The following ARHGAP18 variants were observed in gnomAD, a reference collection of about 807,000 sequenced individuals.
The protein encoded by ARHGAP18 is Rho GTPase activating protein 18.
ARHGAP18 carries 67 observed loss-of-function variants against 86.2 expected under a neutral mutation model. The ratio of observed to expected loss-of-function variants is 0.78; its 90% CI spans 0.64 to 0.95. The LOEUF (loss-of-function observed/expected upper bound fraction) is 0.95. Among genes scored for constraint, ARHGAP18 ranks in the 40% least tolerant of loss-of-function variants. The pLI, the probability that ARHGAP18 is intolerant of heterozygous loss-of-function variation, is 0.00. For synonymous variants in ARHGAP18, 283 were observed against 280.4 expected (o/e 1.01, Z -0.09); for missense variants, 691 against 780.4 (o/e 0.89, Z 1.37).
intron 1 of ARHGAP18, among the ~76,000 whole-genome samples, chr6:129,698,779 G>A (rs941833131): frequency 2.8e-5 from 4 of 143,818 alleles, no homozygotes; most frequent in Non-Finnish European, 6.0e-5. Context: ...TGCAACCTCC[G>A]CCTAATGGGT....
At chr6:129,685,886 C>T (rs1354393392) in intron 1 of ARHGAP18, among the ~76,000 whole-genome samples, 1 of 152,084 alleles carries the variant, frequency 6.6e-6, no homozygotes, top group Non-Finnish European at 1.5e-5. Flanking sequence ...CTCTAGGAAA[C>T]GAAGAAGTCT....
chr6:129,689,820 CA>C (rs1342764754), intron 1 of ARHGAP18, among the ~76,000 whole-genome samples: 18 of 152,272 alleles, frequency 1.2e-4, no homozygotes, highest in Non-Finnish European at 1.5e-5. Flanking sequence ...TTGCTTTTCA[CA>C]GAAACCTGGA....
intron 5 of ARHGAP18, among the ~76,000 whole-genome samples, chr6:129,623,082 T>A (rs9483048): frequency 0.56 from 84,238 of 150,524 alleles, 24,681 homozygotes; most frequent in African/African-American, 0.72. Flanking sequence ...ATTGATTCCC[T>A]TGTGTTACCA....
intron 9 of ARHGAP18, among the ~76,000 whole-genome samples, chr6:129,606,267 C>A (rs1788851936): frequency 6.6e-6 from 1 of 152,140 alleles, no homozygotes; most frequent in African/African-American, 2.4e-5. Context: ...ATAATTATTC[C>A]CCAATGAAAA....
intron 1 of ARHGAP18, among the ~76,000 whole-genome samples, chr6:129,649,274 G>A (rs1322331610): frequency 4.0e-5 from 6 of 151,874 alleles, no homozygotes; most frequent in Non-Finnish European, 7.4e-5. Context: ...TAAAAGTCGC[G>A]GCCAGGTGCG....
intron 1 of ARHGAP18, among the ~76,000 whole-genome samples, chr6:129,705,935 C>A (rs1455948192): frequency 6.6e-6 from 1 of 152,160 alleles, no homozygotes; most frequent in Admixed American, 6.5e-5. Flanking sequence ...GGGTTTATGT[C>A]ACCCCTGTGT....
chr6:129,649,427 G>C (rs146609928), intron 1 of ARHGAP18, among the ~76,000 whole-genome samples: 1 of 151,794 alleles, frequency 6.6e-6, no homozygotes. Flanking sequence ...AGTGGCGCAC[G>C]CCTGTAGTCC....
intron 12 of ARHGAP18, among the ~76,000 whole-genome samples, chr6:129,595,051 A>G (rs1788587871): frequency 6.6e-6 from 1 of 152,180 alleles, no homozygotes; most frequent in Admixed American, 6.6e-5. Context: ...AGATAACCTT[A>G]GTAACTTTAA....
intron 1 of ARHGAP18, among the ~76,000 whole-genome samples, chr6:129,695,917 T>G (rs952699127): frequency 1.3e-5 from 2 of 152,166 alleles, no homozygotes; most frequent in Admixed American, 6.5e-5. Context: ...ATCCTCTCCC[T>G]TTCTTTGAAG....
rs1441115217 is a variant in ARHGAP18 at position 129,625,119 on chromosome 6, ATATATAT to A, written c.786+4227_786+4233del. Among the ~76,000 whole-genome samples, 2 of 6,190 alleles carry A rather than the reference ATATATAT, an allele frequency of 3.2e-4. 1 individual carries two copies. Among genetic ancestry groups the A allele is most frequent in the Non-Finnish European group, 5.3e-4 (2 of 3,764 alleles). The allele number at this position is 6,190 out of a possible 152,430, so 4.1% of individuals were successfully genotyped here. On this transcript the variant is annotated intron_variant, in intron 5 of 14. Coordinates refer to ENST00000368149, the MANE Select transcript of ARHGAP18 (RefSeq NM_033515.3). ...ATGATATATATTATATATTATATAG[ATATATAT>A]TATATATGATATATATTATATATTA...
At chr6:129,616,415 G>T in intron 6 of ARHGAP18, 112 bp from the exon 7 acceptor site, 1 of 803,964 alleles carries the variant, frequency 1.2e-6, no homozygotes, top group Non-Finnish European at 1.9e-6. Context: ...TATTTATTTA[G>T]CAACTACTAA....
chr6:129,606,022 T>A (rs1267456165), intron 9 of ARHGAP18, 63 bp from the exon 10 acceptor site: 5 of 1,514,720 alleles, frequency 3.3e-6, no homozygotes, highest in Non-Finnish European at 4.6e-6. Context: ...TTACTTTATT[T>A]TTTCACTTTT....
intron 4 of ARHGAP18, among the ~76,000 whole-genome samples, chr6:129,633,107 C>G (rs1330633371): frequency 6.6e-6 from 1 of 152,066 alleles, no homozygotes; most frequent in Non-Finnish European, 1.5e-5. Context: ...TATAAATTCT[C>G]TCTTAGTAAG....
At chr6:129,642,615 G>A (rs1430693943) in intron 1 of ARHGAP18, among the ~76,000 whole-genome samples, 1 of 152,062 alleles carries the variant, frequency 6.6e-6, no homozygotes, top group South Asian at 2.1e-4. Context: ...ATTTAAACCT[G>A]AAACTTTGTT....
At chr6:129,581,967 G>T (rs1216461451) in intron 13 of ARHGAP18, among the ~76,000 whole-genome samples, 3 of 152,078 alleles carry the variant, frequency 2.0e-5, no homozygotes, top group African/African-American at 7.2e-5. Flanking sequence ...TCTTACAAAT[G>T]AGGAACTTGA....
intron 2 of ARHGAP18, among the ~76,000 whole-genome samples, chr6:129,639,223 A>G (rs13217271): frequency 0.2 from 30,012 of 152,184 alleles, 3,247 homozygotes; most frequent in Non-Finnish European, 0.24. Flanking sequence ...ATCCAGCAAA[A>G]AAAACTTATA....
chr6:129,604,212 CT>C (rs890164217), intron 10 of ARHGAP18, among the ~76,000 whole-genome samples: 20 of 148,406 alleles, frequency 1.3e-4, no homozygotes, highest in South Asian at 6.5e-4. Context: ...TCCCCCCCCC[CT>C]TAATTATAAA....
chr6:129,597,111 G>T (rs1031982687), intron 12 of ARHGAP18, among the ~76,000 whole-genome samples: 2 of 151,602 alleles, frequency 1.3e-5, no homozygotes, highest in African/African-American at 4.8e-5. Flanking sequence ...TAATAAAATG[G>T]CATAATTTTT....
intron 1 of ARHGAP18, among the ~76,000 whole-genome samples, chr6:129,690,294 T>C (rs1005720645): frequency 1.3e-5 from 2 of 152,300 alleles, no homozygotes; most frequent in East Asian, 3.8e-4. Context: ...GAACTAAATA[T>C]ATGTTTATCA....
Sources: allele counts gnomAD v4.1 joint callset (sites outside exome capture counted in the v4.1 genomes callset), GRCh38; gene constraint gnomAD v4.1.1; transcripts MANE v1.5; gene names NCBI Gene and HGNC (gene_info 2026-07-23, HGNC 2026-07-21).